The following HERC4 variants were observed in gnomAD, a reference collection of about 807,000 sequenced individuals.
HERC4 encodes HECT and RLD domain containing E3 ubiquitin protein ligase 4, also known as probable E3 ubiquitin-protein ligase HERC4.
HERC4 carries 28 observed loss-of-function variants against 124.3 expected under a neutral mutation model. That is an observed-to-expected ratio of 0.23 (90% CI 0.17 to 0.31). The LOEUF is 0.31. Among genes scored for constraint, HERC4 ranks in the 10% least tolerant of loss-of-function variants. The pLI is 1.00. For synonymous variants in HERC4, 407 were observed against 421.5 expected (o/e 0.97, Z 0.42); for missense variants, 713 against 1,229.3 (o/e 0.58, Z 6.28).
chr10:68,001,151 A>G (rs536547355), intron 9 of HERC4, among the ~76,000 whole-genome samples: 18 of 152,230 alleles, frequency 1.2e-4, no homozygotes, highest in Admixed American at 1.0e-3. Context: ...CAGGAGGATC[A>G]CTTGAATCCA....
In HERC4 at chr10:67,984,739, C is replaced by T. The variant is rs185324039; in HGVS notation, c.1806+3924G>A. ...TTGGTATTACAGACACGTGCCACCA[C>T]GCTCAATTAATTTTTGTAATTTTTA... On this transcript the variant is annotated intron_variant, in intron 15 of 24. Coordinates refer to ENST00000373700, the MANE Select transcript of HERC4 (RefSeq NM_015601.4). Among the ~76,000 whole-genome samples, 12 of 152,186 alleles carry T rather than the reference C, an allele frequency of 7.9e-5. No homozygotes were observed. In the South Asian group the frequency reaches 1.7e-3, roughly 21 times the overall value.
At chr10:68,069,252 C>T (rs1047863032) in intron 3 of HERC4, 2 of 951,740 alleles carry the variant, frequency 2.1e-6, no homozygotes, top group African/African-American at 3.5e-5. Flanking sequence ...TGGTCTAGCG[C>T]ACTGAAGATT....
chr10:68,067,886 A>T (rs895980187), intron 3 of HERC4: 2 of 152,228 alleles, frequency 1.3e-5, no homozygotes, highest in Non-Finnish European at 2.9e-5. Context: ...TACACTATAC[A>T]TATTTGAATT....
chr10:67,959,155 A>G, intron 16 of HERC4: 1 of 1,579,710 alleles, frequency 6.3e-7, no homozygotes, highest in Middle Eastern at 1.7e-4. Flanking sequence ...GCAGTGCAGA[A>G]TATAACAATA....
chr10:67,975,069 G>A (rs1246681989), intron 15 of HERC4, among the ~76,000 whole-genome samples: 1 of 151,948 alleles, frequency 6.6e-6, no homozygotes, highest in South Asian at 2.1e-4. Context: ...CACGCCTGTA[G>A]TCCCAGCTAC....
At chr10:67,959,212 A>C (rs2034341429) in intron 16 of HERC4, 2 of 1,352,142 alleles carry the variant, frequency 1.5e-6, no homozygotes, top group Non-Finnish European at 2.0e-6. Context: ...ATTTCTATTC[A>C]AGGTAGCATT....
At chr10:68,068,969 A>G in intron 3 of HERC4, 5 of 799,344 alleles carry the variant, frequency 6.3e-6, no homozygotes, top group Non-Finnish European at 7.6e-6. Flanking sequence ...GAATGTTGTA[A>G]AACACAAAAA....
intron 3 of HERC4, among the ~76,000 whole-genome samples, chr10:68,062,818 C>T (rs981751149): frequency 6.6e-5 from 10 of 151,774 alleles, no homozygotes; most frequent in Non-Finnish European, 1.0e-4. Flanking sequence ...ATTTCTTTAC[C>T]TCCAATTTCT....
At chr10:67,927,397 TATATATATATATATATATATATA>T (rs2031136069) in intron 23 of HERC4, among the ~76,000 whole-genome samples, 5 of 6,338 alleles carry the variant, frequency 7.9e-4, no homozygotes, top group African/African-American at 3.4e-3. Flanking sequence ...TATATATATA[TATATATATATATATATATATATA>T]TATATATATA....
At position 67,925,014 on chromosome 10, in the gene HERC4, A is replaced by G. The variant is rs1181772924; in HGVS notation, c.2941+71T>C. 6.0e-6 allele frequency: 5 copies of G among 828,970 alleles called. No homozygotes were observed. The East Asian group carries it at 1.3e-4, about 22-fold the overall frequency. 51.4% of individuals were successfully genotyped at this position (828,970 alleles called of 1,614,324 possible). A position where few individuals can be genotyped will look rare whatever the true frequency, so the allele number is the denominator to read the frequency against. On this transcript the variant is annotated intron_variant, in intron 24 of 24. Transcript: ENST00000373700. ...TCAAAAAAATTACTTGAAGATTAAA[A>G]CAGGGCTTTGGAATAATACTATAAT...
At chr10:68,004,619 T>C (rs1283522584) in intron 9 of HERC4, among the ~76,000 whole-genome samples, 1 of 152,158 alleles carries the variant, frequency 6.6e-6, no homozygotes, top group Non-Finnish European at 1.5e-5. Context: ...AAAAATTGCC[T>C]GAGACTGGGT....
At chr10:68,023,163 A>AT (rs2038730544) in intron 8 of HERC4, among the ~76,000 whole-genome samples, 1 of 152,204 alleles carries the variant, frequency 6.6e-6, no homozygotes, top group South Asian at 2.1e-4. Context: ...CAGAATTGCC[A>AT]TATGAACCAC....
chr10:67,942,114 T>C (rs2032964538), intron 19 of HERC4, among the ~76,000 whole-genome samples: 1 of 152,178 alleles, frequency 6.6e-6, no homozygotes, highest in Non-Finnish European at 1.5e-5. Flanking sequence ...TTTATAAAAG[T>C]AATATGTATT....
intron 3 of HERC4, among the ~76,000 whole-genome samples, chr10:68,059,459 A>AATAATATTATACATT (rs1554830045): frequency 0.015 from 1,212 of 83,224 alleles, 35 homozygotes; most frequent in African/African-American, 0.066. Flanking sequence ...TATATATTAT[A>AATAATATTATACATT]ATAATATTAT....
intron 15 of HERC4, among the ~76,000 whole-genome samples, chr10:67,979,915 C>T (rs550211774): frequency 3.9e-4 from 58 of 150,438 alleles, no homozygotes; most frequent in Admixed American, 8.0e-4. Context: ...CCAGCCTGGG[C>T]GACAGAGCAA....
At chr10:68,039,780 A>G (rs2039668122) in intron 4 of HERC4, 44 of 1,168,696 alleles carry the variant, frequency 3.8e-5, no homozygotes, top group Non-Finnish European at 4.6e-5. Context: ...ATTACTAAAC[A>G]TTTACTGTTA....
intron 19 of HERC4, among the ~76,000 whole-genome samples, chr10:67,950,655 T>C (rs2033724712): frequency 6.6e-6 from 1 of 152,168 alleles, no homozygotes; most frequent in South Asian, 2.1e-4. Flanking sequence ...ATATACATAA[T>C]ATGGAAAGGA....
rs751824179 is a variant in HERC4 at position 67,954,696 on chromosome 10, G to C, written c.2236C>G (p.Arg746Gly). Residue 746 changes from arginine to glycine, a missense_variant, in exon 19 of 25, where the codon CGC (arginine) becomes GGC (glycine). Transcript: ENST00000373700. The stretch of plus-strand genomic sequence containing the variant: ...ATGATGAGCAAGAAAAATTCTTTGC[G>C]CACCCCTCCTGCATCCACAGCATCT... ...GEDAVDAGGV[R>G]KEFFLLIMRE... 6.2e-7 allele frequency: 1 copy of C among 1,613,268 alleles called. No homozygotes were observed. Among genetic ancestry groups the C allele is most frequent in the Non-Finnish European group, 8.5e-7 (1 of 1,179,624 alleles).
intron 15 of HERC4, among the ~76,000 whole-genome samples, chr10:67,976,068 C>G (rs1006651283): frequency 2.0e-5 from 3 of 151,908 alleles, no homozygotes; most frequent in Admixed American, 2.0e-4. Flanking sequence ...GGAAAGCAGC[C>G]ACTCCCATCC....
Sources: allele counts gnomAD v4.1 joint callset (sites outside exome capture counted in the v4.1 genomes callset), GRCh38; gene constraint gnomAD v4.1.1; transcripts MANE v1.5; gene names NCBI Gene and HGNC (gene_info 2026-07-23, HGNC 2026-07-21).